The following FASN variants were observed in gnomAD, a reference collection of about 807,000 sequenced individuals.
FASN encodes fatty acid synthase, also known as 3-hydroxyacyl-[acyl-carrier-protein] dehydratase.
FASN carries 50 observed loss-of-function variants against 250.0 expected under a neutral mutation model. That is an observed-to-expected ratio of 0.20 (90% CI 0.16 to 0.25). FASN has a LOEUF of 0.25. Ranked by LOEUF, FASN falls within the 10% of genes least tolerant of loss-of-function variation. The pLI, the probability that FASN is intolerant of heterozygous loss-of-function variation, is 1.00. For synonymous variants in FASN, 1,909 were observed against 1,584.0 expected, an observed-to-expected ratio of 1.21 and a Z score of -4.87; for missense variants, 3,031 against 3,498.5, an observed-to-expected ratio of 0.87 and a Z score of 3.37.
At chr17:82,090,598 T>C in intron 10 of FASN, 34 bp from the exon 11 acceptor site, 1 of 1,583,448 alleles carries the variant, frequency 6.3e-7, no homozygotes, top group Non-Finnish European at 8.6e-7. Context: ...GGTTGCAACC[T>C]CCAGCAGGTG....
At position 82,085,521 on chromosome 17, in the gene FASN, G is replaced by A. The variant is rs1351637874; in HGVS notation, c.4083C>T (p.Thr1361=). 1.3e-6 allele frequency: 2 copies of A among 1,596,076 alleles called. No homozygotes were observed. Among genetic ancestry groups the A allele is most frequent in the Non-Finnish European group, 1.7e-6 (2 of 1,172,068 alleles). The part of the protein sequence containing the change: ...HPLGDIVAFL[T]STEPQYGQGI... The stretch of plus-strand genomic sequence containing the variant: ...CCTGGCCATACTGCGGCTCAGTGGA[G>A]GTGAGGAAGGCCACGATGTCCCCGA... Residue 1361 remains threonine, a synonymous_variant, in exon 23 of 43, where the codon ACC becomes ACT. Transcript: ENST00000306749.
In FASN at chr17:82,092,941, G is replaced by A. The variant is rs970223725; in HGVS notation, c.734C>T (p.Thr245Ile). ...KKSLARRVYA[T>I]ILNAGTNTDG... ...TGTATTGGTGCCGGCGTTCAGGATG[G>A]TGGCGTACACCCGCCGGGCCAGGGA... Residue 245 changes from threonine (T) to isoleucine (I), a missense_variant, in exon 6 of 43, where the codon ACC (threonine) becomes ATC (isoleucine). By Grantham distance (89) the Thr-to-Ile change is moderately conservative. Transcript: ENST00000306749. 6.2e-7 allele frequency: 1 copy of A among 1,609,746 alleles called. No individual in the cohort carries two copies. Among genetic ancestry groups the A allele is most frequent in the South Asian group, 1.1e-5 (1 of 90,460 alleles).
chr17:82,084,959 G>C lies in FASN; in HGVS notation c.4410-6C>G. On this transcript the variant is annotated splice_region_variant and splice_polypyrimidine_tract_variant and intron_variant, in intron 25 of 42. Transcript: ENST00000306749. ...GGTTGGAGAGCAGCACACACCTGGG[G>C]GCAGAGGCGGGGAGCTCAGGCTGGG... The C allele has an allele frequency of 1.3e-6, 2 of 1,562,874 alleles. No homozygotes were observed. Among genetic ancestry groups the C allele is most frequent in the East Asian group, 4.8e-5 (2 of 41,916 alleles).
In FASN at chr17:82,088,744, G is replaced by T; in HGVS notation, c.2420+17C>A. 1 of 1,604,128 alleles carries T rather than the reference G, an allele frequency of 6.2e-7. No homozygotes were observed. Among genetic ancestry groups the T allele is most frequent in the Non-Finnish European group, 8.5e-7 (1 of 1,173,102 alleles). On this transcript the variant is annotated intron_variant, in intron 15 of 42. Coordinates refer to ENST00000306749, the MANE Select transcript of FASN (RefSeq NM_004104.5). The stretch of plus-strand genomic sequence containing the variant: ...CCCGACTCCGGGAGACGAGACCCGG[G>T]CTGGGAAGGGACCCACCCTGAGAGG...
At chr17:82,079,690 T>G in intron 41 of FASN, 82 bp from the exon 42 acceptor site, 2 of 1,506,286 alleles carry the variant, frequency 1.3e-6, no homozygotes, top group South Asian at 1.2e-5. Context: ...TGGGCTTTTT[T>G]TTTTTGAGAC....
intron 5 of FASN, 84 bp from the exon 6 acceptor site, chr17:82,093,103 G>C: frequency 6.3e-7 from 1 of 1,580,032 alleles, no homozygotes. Flanking sequence ...GTGTGGGGTG[G>C]GTGCTTGGGT....
chr17:82,087,002 G>C (rs918663125), intron 21 of FASN, 48 bp downstream of exon 21: 1 of 1,587,786 alleles, frequency 6.3e-7, no homozygotes. Context: ...GGAGGCGATC[G>C]CTCCTCATCG....
chr17:82,087,880 G>A lies in FASN; in HGVS notation c.2867-19C>T, dbSNP rs774218311. The A allele has an allele frequency of 9.9e-6, 16 of 1,612,414 alleles. No individual in the cohort carries two copies. In the African/African-American group the frequency reaches 1.1e-4, roughly 11 times the overall value. Reference sequence around the variant, plus strand: ...ACCTTCCCTGTGGAAAGGGAGGTGCGGAAGGGCCTGAGGACGGGCGGCATG... The same window carrying A: ...ACCTTCCCTGTGGAAAGGGAGGTGCAGAAGGGCCTGAGGACGGGCGGCATG... On this transcript the variant is annotated intron_variant, in intron 18 of 42. Transcript: ENST00000306749.
In FASN at chr17:82,082,557, C is replaced by G; in HGVS notation, c.5889G>C (p.Gly1963=). Residue 1963 remains glycine, a synonymous_variant, in exon 34 of 43, where the codon GGG becomes GGC. Transcript: ENST00000306749. ...RGLIAEAAQL[G]PVGGVFNLAV... ...CCAGGTTGAAGACGCCGCCCACGGG[C>G]CCAAGCTGCGCCGCCTCGGCAATGA... 1 of 1,608,876 alleles carries G rather than the reference C, an allele frequency of 6.2e-7. No individual in the cohort carries two copies. Among genetic ancestry groups the G allele is most frequent in the Non-Finnish European group, 8.5e-7 (1 of 1,179,828 alleles).
At chr17:82,088,587 G>C (rs2034147476) in intron 15 of FASN, 25 bp from the exon 16 acceptor site, 1 of 1,599,132 alleles carries the variant, frequency 6.3e-7, no homozygotes, top group African/African-American at 1.3e-5. Context: ...GGCATGGGTA[G>C]CACACCCGTC....
At chr17:82,082,732 A>C in intron 33 of FASN, 54 bp from the exon 34 acceptor site, 5 of 1,592,866 alleles carry the variant, frequency 3.1e-6, no homozygotes, top group Non-Finnish European at 3.4e-6. Flanking sequence ...TCTCTTCCCT[A>C]CACGCCGGGC....
At position 82,085,857 on chromosome 17, in the gene FASN, G is replaced by A. The variant is rs62642477; in HGVS notation, c.3747C>T (p.His1249=). 2.2e-4 allele frequency: 347 copies of A among 1,547,626 alleles called. 1 individual carries two copies. In the African/African-American group the frequency reaches 3.0e-3, roughly 13 times the overall value. The change falls in exon 23 of 43, where the codon CAC becomes CAT. Residue 1249 remains histidine (H), a synonymous_variant. Coordinates refer to ENST00000306749, the MANE Select transcript of FASN (RefSeq NM_004104.5). ...CTGGGATGCGGGAATACAGGTGACCGTGGCCAGCCAGCACCTGTAGGGGGT... is the reference window on the plus strand; with the variant it reads ...CTGGGATGCGGGAATACAGGTGACCATGGCCAGCCAGCACCTGTAGGGGGT... The part of the protein sequence containing the change: ...KMKVVEVLAG[H]GHLYSRIPGL...
chr17:82,091,870 GC>G (rs1429537850), intron 8 of FASN, among the ~76,000 whole-genome samples, 186 bp from the exon 9 acceptor site: 1 of 152,162 alleles, frequency 6.6e-6, no homozygotes, highest in African/African-American at 2.4e-5. Flanking sequence ...CCATGGCCCT[GC>G]CCTCAGCTTG....
intron 8 of FASN, 82 bp from the exon 9 acceptor site, chr17:82,091,766 T>A (rs2034214416): frequency 9.3e-6 from 12 of 1,292,988 alleles, no homozygotes; most frequent in East Asian, 5.1e-5. Flanking sequence ...TCCCCGAGAC[T>A]CTCATGTGGG....
At chr17:82,089,206 G>C in intron 13 of FASN, 34 bp from the exon 14 acceptor site, 1 of 1,605,086 alleles carries the variant, frequency 6.2e-7, no homozygotes. Flanking sequence ...CTGGGTTGTG[G>C]GTCCCCTGGC....
intron 9 of FASN, 50 bp downstream of exon 9, chr17:82,091,172 C>G (rs1955636013): frequency 6.2e-7 from 1 of 1,601,674 alleles, no homozygotes; most frequent in Non-Finnish European, 8.5e-7. Context: ...TCCAGTTCGC[C>G]TGCCTTTCCC....
Position 82,079,343 on chromosome 17 carries a change from G to C in FASN, c.7398+14C>G. On this transcript the variant is annotated intron_variant, in intron 42 of 42. Coordinates refer to ENST00000306749, the MANE Select transcript of FASN (RefSeq NM_004104.5). Reference sequence around the variant, plus strand: ...CCTGTCCCTGTCCCCGTTCCCGTCAGGCCCCTTGCGCACCTGGGAGAGGTT... The same window carrying C: ...CCTGTCCCTGTCCCCGTTCCCGTCACGCCCCTTGCGCACCTGGGAGAGGTT... 6.2e-7 allele frequency: 1 copy of C among 1,613,078 alleles called. No individual in the cohort carries two copies. Among genetic ancestry groups the C allele is most frequent in the African/African-American group, 1.3e-5 (1 of 75,066 alleles).
chr17:82,086,579 G>A, intron 21 of FASN, 21 bp from the exon 22 acceptor site: 1 of 1,582,934 alleles, frequency 6.3e-7, no homozygotes, highest in African/African-American at 1.3e-5. Flanking sequence ...AGGGAGGCAG[G>A]CCTGGTGTTC....
At position 82,082,965 on chromosome 17, in the gene FASN, G is replaced by C; in HGVS notation, c.5716C>G (p.Gln1906Glu). The change falls in exon 33 of 43, where the codon CAG becomes GAG. Residue 1906 changes from glutamine (Q) to glutamate (E), a missense_variant. Coordinates refer to ENST00000306749, the MANE Select transcript of FASN (RefSeq NM_004104.5). Reference protein sequence around the residue: ...FGLELAQWLIQRGVQKLVLTS... With the variant: ...FGLELAQWLIERGVQKLVLTS... Reference sequence around the variant, plus strand: ...AACACGAGCTTCTGCACCCCACGCTGTATCAGCCACTGCGCCAACTCCAGG... The same window carrying C: ...AACACGAGCTTCTGCACCCCACGCTCTATCAGCCACTGCGCCAACTCCAGG... 6.2e-7 allele frequency: 1 copy of C among 1,612,836 alleles called. No homozygotes were observed. Among genetic ancestry groups the C allele is most frequent in the Non-Finnish European group, 8.5e-7 (1 of 1,179,990 alleles).
Sources: gnomAD v4.1 joint callset for allele counts (sites outside exome capture counted in the v4.1 genomes callset) on GRCh38, gnomAD v4.1.1 for gene constraint, MANE v1.5 for transcripts, NCBI Gene and HGNC (gene_info 2026-07-23, HGNC 2026-07-21) for gene names.